MGAT4C: variants seen among roughly 807,000 people sequenced by gnomAD.
MGAT4C encodes alpha-1,3-mannosyl-glycoprotein 4-beta-N-acetylglucosaminyltransferase C.
Under a neutral mutation model 40.1 loss-of-function variants are expected in MGAT4C, and 19 were observed. The ratio of observed to expected loss-of-function variants is 0.47; its 90% CI spans 0.33 to 0.70. The LOEUF is 0.70. Ranked by LOEUF, MGAT4C falls within the 30% of genes least tolerant of loss-of-function variation. The pLI is 0.02. For synonymous variants in MGAT4C, 181 were observed against 187.1 expected (o/e 0.97, Z 0.27); for missense variants, 491 against 563.2 (o/e 0.87, Z 1.30).
Position 86,765,130 on chromosome 12 carries a change from C to T in MGAT4C, c.-261-37889G>A, listed in dbSNP as rs192481361. On this transcript the variant is annotated intron_variant, in intron 1 of 7. Transcript: ENST00000548651. The stretch of plus-strand genomic sequence containing the variant: ...TTAAAAACTTTAAAAAAAAATTAGA[C>T]GAATGTATAACTAGAATAACCAATA... Among the ~76,000 whole-genome samples, 1,314 of 152,124 alleles carry T rather than the reference C, an allele frequency of 8.6e-3. 8 individuals carry two copies. Among genetic ancestry groups the T allele is most frequent in the Middle Eastern group, 0.017 (5 of 294 alleles).
chr12:86,242,018 T>C (rs1951810155), intron 1 of MGAT4C, among the ~76,000 whole-genome samples: 1 of 152,124 alleles, frequency 6.6e-6, no homozygotes, highest in East Asian at 1.9e-4. Context: ...TCAGAAGTTA[T>C]CCACACTCTA....
At chr12:86,490,586 A>C (rs1958113081) in intron 2 of MGAT4C, among the ~76,000 whole-genome samples, 1 of 152,174 alleles carries the variant, frequency 6.6e-6, no homozygotes, top group South Asian at 2.1e-4. Context: ...TTAACTTTAA[A>C]TGTAAATGGA....
At chr12:85,984,767 G>A (rs1015268888) in intron 3 of MGAT4C, among the ~76,000 whole-genome samples, 2 of 151,410 alleles carry the variant, frequency 1.3e-5, no homozygotes, top group Non-Finnish European at 2.9e-5. Context: ...CTACTATGTG[G>A]TTTTATTTAT....
chr12:86,318,222 T>C (rs1017795141), intron 4 of MGAT4C, among the ~76,000 whole-genome samples: 4 of 152,288 alleles, frequency 2.6e-5, no homozygotes, highest in African/African-American at 9.6e-5. Context: ...TTTTTTGTCA[T>C]TTTTCATATT....
intron 3 of MGAT4C, among the ~76,000 whole-genome samples, chr12:86,358,603 C>A (rs1386131754): frequency 6.6e-6 from 1 of 152,074 alleles, no homozygotes; most frequent in Admixed American, 6.5e-5. Context: ...CAGAGACACA[C>A]ATAGGCTCAA....
At chr12:86,146,849 G>C (rs1410571127) in intron 1 of MGAT4C, among the ~76,000 whole-genome samples, 1 of 146,520 alleles carries the variant, frequency 6.8e-6, no homozygotes, top group Non-Finnish European at 1.5e-5. Flanking sequence ...TTTTTTTCCA[G>C]ATTATAACAT....
At chr12:86,165,438 TATGA>T (rs1886081609) in intron 1 of MGAT4C, among the ~76,000 whole-genome samples, 2 of 152,294 alleles carry the variant, frequency 1.3e-5, no homozygotes, top group Non-Finnish European at 2.9e-5. Flanking sequence ...AGTATATTCT[TATGA>T]ATATCAAAGT....
intron 1 of MGAT4C, among the ~76,000 whole-genome samples, chr12:86,107,466 G>A (rs866521612): frequency 6.6e-6 from 1 of 152,118 alleles, no homozygotes; most frequent in South Asian, 2.1e-4. Flanking sequence ...ATTATTTTGA[G>A]CAAACAAAAT....
intron 4 of MGAT4C, among the ~76,000 whole-genome samples, chr12:86,295,066 T>C (rs1953627316): frequency 6.6e-6 from 1 of 152,196 alleles, no homozygotes; most frequent in Non-Finnish European, 1.5e-5. Context: ...AAGCACAAAA[T>C]GGTCCTATAA....
At chr12:86,767,219 A>G (rs11104073) in intron 1 of MGAT4C, among the ~76,000 whole-genome samples, 48,535 of 151,898 alleles carry the variant, frequency 0.32, 9,491 homozygotes, top group Admixed American at 0.46. Flanking sequence ...AACTACCATC[A>G]GAGAATACTA....
intron 2 of MGAT4C, among the ~76,000 whole-genome samples, chr12:86,494,637 C>T (rs907338210): frequency 6.6e-6 from 1 of 151,180 alleles, no homozygotes; most frequent in African/African-American, 2.4e-5. Flanking sequence ...AAAAAACGTG[C>T]TTTAAAATCT....
chr12:86,408,225 T>C (rs1352627258), intron 3 of MGAT4C, among the ~76,000 whole-genome samples: 3 of 151,992 alleles, frequency 2.0e-5, no homozygotes, highest in Admixed American at 6.6e-5. Flanking sequence ...GTAGTATGCT[T>C]CATTTTGTAA....
chr12:86,798,434 C>T (rs997625271), intron 1 of MGAT4C, among the ~76,000 whole-genome samples: 2 of 151,834 alleles, frequency 1.3e-5, no homozygotes, highest in Admixed American at 6.6e-5. Flanking sequence ...TTCATGTCCC[C>T]GCCCTGCACA....
chr12:86,515,827 C>G lies in MGAT4C; in HGVS notation c.-228-80562G>C, dbSNP rs571384257. 2.6e-5 allele frequency among the ~76,000 whole-genome samples: 4 copies of G among 150,944 alleles called. No homozygotes were observed. The South Asian group carries it at 8.4e-4, about 32-fold the overall frequency. On this transcript the variant is annotated intron_variant, in intron 2 of 7. Transcript: ENST00000548651. ...GCGCGATCTCAGCTCACTGCAAGCT[C>G]CGCCTCCCGGGTTCATACCATTCTC...
At chr12:86,420,815 G>A (rs2136255845) in intron 3 of MGAT4C, among the ~76,000 whole-genome samples, 1 of 148,622 alleles carries the variant, frequency 6.7e-6, no homozygotes, top group East Asian at 2.0e-4. Flanking sequence ...ATATATATGT[G>A]TGTGTGTGTA....
intron 2 of MGAT4C, among the ~76,000 whole-genome samples, chr12:86,438,473 C>T (rs1194154899): frequency 6.6e-6 from 1 of 151,922 alleles, no homozygotes; most frequent in African/African-American, 2.4e-5. Flanking sequence ...CCTAAGACAA[C>T]TGATGAAAGT....
At chr12:86,724,754 C>T (rs897629177) in intron 2 of MGAT4C, among the ~76,000 whole-genome samples, 1 of 152,168 alleles carries the variant, frequency 6.6e-6, no homozygotes, top group Non-Finnish European at 1.5e-5. Flanking sequence ...TCAACATTAT[C>T]TCTTGAACTT....
chr12:86,078,032 A>C, intron 1 of MGAT4C, among the ~76,000 whole-genome samples: 1 of 152,180 alleles, frequency 6.6e-6, no homozygotes, highest in East Asian at 1.9e-4. Flanking sequence ...CCAGCAAAAC[A>C]TAATGTTGCG....
chr12:86,793,585 C>T lies in MGAT4C; in HGVS notation c.-262+45081G>A, dbSNP rs1428625565. 2.6e-5 allele frequency among the ~76,000 whole-genome samples: 4 copies of T among 152,018 alleles called. No homozygotes were observed. The East Asian group carries it at 5.8e-4, about 22-fold the overall frequency. On this transcript the variant is annotated intron_variant, in intron 1 of 7. Coordinates refer to the MGAT4C transcript ENST00000548651. ...AATAAAATAGAGTTACAATTACACACATATACTCTCACGCTCATTTGTTTC... is the reference window on the plus strand; with the variant it reads ...AATAAAATAGAGTTACAATTACACATATATACTCTCACGCTCATTTGTTTC...
Sources: gnomAD v4.1 joint callset for allele counts (sites outside exome capture counted in the v4.1 genomes callset) on GRCh38, gnomAD v4.1.1 for gene constraint, MANE v1.5 for transcripts, NCBI Gene and HGNC (gene_info 2026-07-23, HGNC 2026-07-21) for gene names.